Variants in TTC34 observed in about 807,000 individuals in gnomAD.
TTC34 encodes the protein tetratricopeptide repeat protein 34.
TTC34 carries 44 observed loss-of-function variants against 40.7 expected under a neutral mutation model. The ratio of observed to expected loss-of-function variants is 1.08; its 90% CI spans 0.85 to 1.39. The LOEUF (loss-of-function observed/expected upper bound fraction) is 1.39, where lower values mean the gene tolerates loss of function less well. Ranked by LOEUF, TTC34 falls within the 40% of genes most tolerant of loss-of-function variation. TTC34 has a pLI of 0.00. For missense variants in TTC34, 884 were observed against 838.0 expected, an observed-to-expected ratio of 1.05 and a Z score of -0.68; for synonymous variants, 422 against 398.6, an observed-to-expected ratio of 1.06 and a Z score of -0.70.
At chr1:2,790,421 C>T (rs1413101201) in intron 2 of TTC34, 75 bp from the exon 3 acceptor site, 1 of 397,856 alleles carries the variant, frequency 2.5e-6, no homozygotes, top group Non-Finnish European at 4.4e-6. Flanking sequence ...AAGTCCCCAC[C>T]AGGTCCAGGG....
rs1643710455 is a variant in TTC34 at position 2,796,431 on chromosome 1, G to T, written c.784+3613C>A. On this transcript the variant is annotated intron_variant, in intron 2 of 8. Transcript: ENST00000401095. The surrounding 1 kb of genome is among the most constrained non-coding windows in gnomAD (Gnocchi z 4.5). ...GGGAGTCCCTTGACCGAAGTGACTT[G>T]GGTCTAATGGATGCACAATTCTTAG... Among the ~76,000 whole-genome samples the T allele has an allele frequency of 6.6e-6, 1 of 152,180 alleles. No individual in the cohort carries two copies. Among genetic ancestry groups the T allele is most frequent in the Non-Finnish European group, 1.5e-5 (1 of 68,024 alleles).
exon 9 of TTC34, chr1:2,637,930 C>A (rs1006051197): frequency 1.3e-5 from 2 of 152,210 alleles, no homozygotes; most frequent in Non-Finnish European, 2.9e-5. Flanking sequence ...GATGCTGAAG[C>A]TTGGCATGGG....
chr1:2,778,694 G>A (rs2100612307), intron 6 of TTC34, among the ~76,000 whole-genome samples: 1 of 152,314 alleles, frequency 6.6e-6, no homozygotes, highest in Non-Finnish European at 1.5e-5. Flanking sequence ...CTGATCCCCA[G>A]GAGGGGCAGC....
chr1:2,695,000 T>A (rs1412559296), intron 6 of TTC34, among the ~76,000 whole-genome samples: 14 of 90,138 alleles, frequency 1.6e-4, no homozygotes, highest in Non-Finnish European at 3.2e-4. Context: ...CACCCCCAGG[T>A]GAGGATCTGA....
intron 6 of TTC34, among the ~76,000 whole-genome samples, chr1:2,773,439 C>G (rs1488477461): frequency 1.2e-4 from 9 of 74,190 alleles, no homozygotes; most frequent in African/African-American, 3.7e-4. Context: ...CATCTGACAG[C>G]CTGGAGCAGC....
chr1:2,687,457 C>A (rs1208718226), intron 6 of TTC34, among the ~76,000 whole-genome samples: 200 of 146,260 alleles, frequency 1.4e-3, no homozygotes, highest in Non-Finnish European at 1.6e-3. Context: ...CACAGGTGAG[C>A]ATCCGACAGC....
rs1179470448 is a variant in TTC34, at chr1:2,751,120, C to T, written c.2226+32489G>A. ...GAGCCTCTGACAGCCTGGAACAGCA[C>T]CCTGTACCCCCAGGGGAGCATCTGA... is the stretch of plus-strand genomic sequence containing the variant. On this transcript the variant is annotated intron_variant, in intron 6 of 8. Transcript: ENST00000401095. Among the ~76,000 whole-genome samples the T allele has an allele frequency of 2.2e-5, 2 of 92,924 alleles. 1 individual carries two copies. Among genetic ancestry groups the T allele is most frequent in the African/African-American group, 1.0e-4 (2 of 19,994 alleles). 61.0% of individuals were successfully genotyped at this position (92,924 alleles called of 152,430 possible).
At chr1:2,685,903 T>C (rs1640316239) in intron 6 of TTC34, among the ~76,000 whole-genome samples, 2 of 146,908 alleles carry the variant, frequency 1.4e-5, no homozygotes, top group African/African-American at 5.2e-5. Context: ...TCTGACAGCC[T>C]GGAACAGCAC....
chr1:2,657,430 A>C (rs559325790), intron 6 of TTC34, among the ~76,000 whole-genome samples: 1 of 88,164 alleles, frequency 1.1e-5, no homozygotes, highest in South Asian at 3.4e-4. Flanking sequence ...CCCCCAGGCG[A>C]GCATCTGAAC....
rs1380302510 is a variant in TTC34, at chr1:2,750,825, C to T, written c.2226+32784G>A. Among the ~76,000 whole-genome samples, 32 of 128,500 alleles carry T rather than the reference C, an allele frequency of 2.5e-4. 5 individuals are homozygous for T. Among genetic ancestry groups the T allele is most frequent in the African/African-American group, 1.0e-3 (31 of 30,510 alleles). The allele number at this position is 128,500 out of a possible 152,430, so 84.3% of individuals were successfully genotyped here. On this transcript the variant is annotated intron_variant, in intron 6 of 8. Transcript: ENST00000401095. ...CCCACACCCCCAGGCGAGCATCTGA[C>T]AGCCTGGAGCAGTACCCACACACCC...
chr1:2,750,583 C>G, intron 6 of TTC34, among the ~76,000 whole-genome samples: 1 of 129,618 alleles, frequency 7.7e-6, no homozygotes, highest in Non-Finnish European at 1.6e-5. Context: ...GAGCATCTGA[C>G]ATCGTGGAGC....
chr1:2,688,007 CCCCAGGCGAGCAT>C (rs1640444356), intron 6 of TTC34, among the ~76,000 whole-genome samples: 2 of 121,404 alleles, frequency 1.6e-5, no homozygotes, highest in African/African-American at 7.2e-5. Context: ...GGACCCACAC[CCCCAGGCGAGCAT>C]CTGACTGCAT....
chr1:2,646,040 G>A (rs554205621), intron 6 of TTC34, among the ~76,000 whole-genome samples: 2 of 152,260 alleles, frequency 1.3e-5, no homozygotes, highest in East Asian at 3.9e-4. Context: ...ACGCCGGAAG[G>A]GTAGAAAGCC....
intron 3 of TTC34, among the ~76,000 whole-genome samples, chr1:2,788,026 T>C (rs1044008342): frequency 2.6e-5 from 4 of 152,262 alleles, no homozygotes. Context: ...TTGGCCTTGC[T>C]GGGCTCAGGG....
rs796576458 is a variant in TTC34 at position 2,660,733 on chromosome 1, G to T, written c.2227-15170C>A. ...CACCCCCAGGTGAGCATCTGACATCGTGGAGCAGCACCCCACACCCACAGG... is the reference window on the plus strand; with the variant it reads ...CACCCCCAGGTGAGCATCTGACATCTTGGAGCAGCACCCCACACCCACAGG... On this transcript the variant is annotated intron_variant, in intron 6 of 8. Coordinates refer to ENST00000401095, the Ensembl canonical transcript of TTC34. Among the ~76,000 whole-genome samples the T allele has an allele frequency of 6.7e-5, 2 of 29,952 alleles. 1 individual carries two copies. Among genetic ancestry groups the T allele is most frequent in the Non-Finnish European group, 1.1e-4 (2 of 17,926 alleles). The allele number at this position is 29,952 out of a possible 152,430, so 19.6% of individuals were successfully genotyped here.
rs1641281670 is a variant in TTC34, at chr1:2,750,543, C to G, written c.2226+33066G>C. On this transcript the variant is annotated intron_variant, in intron 6 of 8. Transcript: ENST00000401095. ...CCCACATCCCCAAGCGAGCATCCGA[C>G]AGCCTGGGGCAGCACCCACACCCCC... Among the ~76,000 whole-genome samples, 3 of 151,120 alleles carry G rather than the reference C, an allele frequency of 2.0e-5. 1 individual carries two copies. Among genetic ancestry groups the G allele is most frequent in the Admixed American group, 1.3e-4 (2 of 15,180 alleles).
exon 4 of TTC34, chr1:2,787,702 C>A (rs1050903359): frequency 1.3e-6 from 2 of 1,542,250 alleles, no homozygotes; most frequent in South Asian, 2.4e-5. Context: ...ACGCCGCAGG[C>A]GACCCTGTGT....
At chr1:2,754,205 A>G (rs1213916708) in intron 6 of TTC34, among the ~76,000 whole-genome samples, 12 of 40,458 alleles carry the variant, frequency 3.0e-4, no homozygotes, top group Admixed American at 4.7e-4. Context: ...ACAGCCTGGA[A>G]CAGAACCCAC....
At chr1:2,751,945 G>C (rs1434260639) in intron 6 of TTC34, among the ~76,000 whole-genome samples, 1 of 79,884 alleles carries the variant, frequency 1.3e-5, no homozygotes, top group African/African-American at 6.3e-5. Flanking sequence ...GGTGAACATC[G>C]GAGAGTCTGG....
Sources: gnomAD v4.1 joint callset for allele counts (sites outside exome capture counted in the v4.1 genomes callset) on GRCh38, gnomAD v4.1.1 for gene constraint, Gnocchi (gnomAD v3.1) non-coding constraint, MANE v1.5 for transcripts, NCBI Gene and HGNC (gene_info 2026-07-23, HGNC 2026-07-21) for gene names.